PECR: variants seen among roughly 807,000 people sequenced by gnomAD.
PECR encodes the protein peroxisomal trans-2-enoyl-CoA reductase, also known as 2,4-dienoyl-CoA reductase-related protein.
Under a neutral mutation model 35.3 loss-of-function variants are expected in PECR, and 30 were observed. That is an observed-to-expected ratio of 0.85 (90% CI 0.64 to 1.15). PECR has a LOEUF of 1.15. Ranked by LOEUF, PECR falls within the 50% of genes most tolerant of loss-of-function variation. The pLI, the probability that PECR is intolerant of heterozygous loss-of-function variation, is 0.00. For synonymous variants in PECR, 148 were observed against 138.9 expected (o/e 1.07, Z -0.46); for missense variants, 392 against 370.8 (o/e 1.06, Z -0.47).
downstream of PECR, among the ~76,000 whole-genome samples, chr2:216,037,734 G>C (rs1023483758): frequency 6.6e-6 from 1 of 152,080 alleles, no homozygotes; most frequent in Non-Finnish European, 1.5e-5. Flanking sequence ...GCATGAGAAA[G>C]CTGCAGATTC....
chr2:216,066,720 C>G (rs367672005), intron 1 of PECR, among the ~76,000 whole-genome samples: 1 of 152,122 alleles, frequency 6.6e-6, no homozygotes, highest in South Asian at 2.1e-4. Context: ...AGGTCTCACC[C>G]TGTTGCTCAG....
At chr2:216,042,374 A>C (rs12478065) in intron 7 of PECR, among the ~76,000 whole-genome samples, 1,877 of 152,320 alleles carry the variant, frequency 0.012, 32 homozygotes, top group African/African-American at 0.043. Flanking sequence ...ATTAACGCAA[A>C]AAAGGCCTTA....
Position 216,081,676 on chromosome 2 carries a change from G to T in PECR, c.66C>A (p.Ile22=). 1.2e-6 allele frequency: 2 copies of T among 1,613,678 alleles called. No homozygotes were observed. The highest frequency in any genetic ancestry group is 2.2e-5 in the East Asian group (1 of 44,880). ...APGLLQGQVA[I]VTGGATGIGK... ...CGATGCCCGTGGCCCCGCCGGTGAC[G>T]ATGGCCACTTGGCCCTGCAGCAAAC... is the stretch of plus-strand genomic sequence containing the variant. Residue 22 remains isoleucine (I), a synonymous_variant, in exon 1 of 8, where the codon ATC becomes ATA. Coordinates refer to ENST00000265322, the MANE Select transcript of PECR (RefSeq NM_018441.6).
At chr2:216,066,190 GC>G (rs1695462273) in intron 2 of PECR, among the ~76,000 whole-genome samples, 194 bp downstream of exon 2, 1 of 152,256 alleles carries the variant, frequency 6.6e-6, no homozygotes, top group East Asian at 1.9e-4. Context: ...CCACATTCTT[GC>G]CTCCCTTCCT....
rs764837050 is a variant in PECR at position 216,053,479 on chromosome 2, C to A, written c.507-1934G>T. Among the ~76,000 whole-genome samples, 3 of 151,418 alleles carry A rather than the reference C, an allele frequency of 2.0e-5. No individual in the cohort carries two copies. The East Asian group carries it at 5.9e-4, about 30-fold the overall frequency. On this transcript the variant is annotated intron_variant, in intron 4 of 7. Transcript: ENST00000265322. ...CAGGATGGTCTCGATCTCCTGACCTCGTGATCTGCCTGCCTCGGCCTCCCA... is the reference window on the plus strand; with the variant it reads ...CAGGATGGTCTCGATCTCCTGACCTAGTGATCTGCCTGCCTCGGCCTCCCA...
intron 3 of PECR, among the ~76,000 whole-genome samples, chr2:216,064,858 G>A (rs992456658): frequency 6.6e-6 from 1 of 152,190 alleles, no homozygotes; most frequent in Non-Finnish European, 1.5e-5. Context: ...CAGGAGTTCA[G>A]TACTAACCAC....
chr2:216,033,567 C>T (rs567620973), downstream of PECR: 1 of 152,400 alleles, frequency 6.6e-6, no homozygotes, highest in South Asian at 2.1e-4. Context: ...TCAGTAACCT[C>T]AGCAAAGGGT....
chr2:216,041,444 C>A lies in PECR; in HGVS notation c.827-2084G>T, dbSNP rs926067734. Among the ~76,000 whole-genome samples, 7 of 152,110 alleles carry A rather than the reference C, an allele frequency of 4.6e-5. No homozygotes were observed. The South Asian group carries it at 1.5e-3, about 32-fold the overall frequency. On this transcript the variant is annotated intron_variant, in intron 7 of 7. Transcript: ENST00000265322. ...AACTACAGTATCCTATGGACATCAC[C>A]ACATTGATGTTATTAGTAATGAAAT...
At chr2:216,051,572 C>T in intron 4 of PECR, 27 bp from the exon 5 acceptor site, 1 of 1,308,710 alleles carries the variant, frequency 7.6e-7, no homozygotes. Flanking sequence ...ATAAACATGA[C>T]AATCAGCTTC....
chr2:216,063,888 C>CT (rs1553562306), intron 3 of PECR: 11 of 150,386 alleles, frequency 7.3e-5, no homozygotes, highest in East Asian at 3.9e-4. Flanking sequence ...AATTTTTTTT[C>CT]TTTTTTTTTG....
chr2:216,039,547 G>T (rs1694852848), intron 7 of PECR, among the ~76,000 whole-genome samples, 187 bp from the exon 8 acceptor site: 1 of 152,188 alleles, frequency 6.6e-6, no homozygotes, highest in African/African-American at 2.4e-5. Flanking sequence ...TAGCTTTCCT[G>T]AATTTGGGCA....
chr2:216,048,476 G>A (rs1249669811), intron 6 of PECR, among the ~76,000 whole-genome samples: 1 of 151,734 alleles, frequency 6.6e-6, no homozygotes, highest in African/African-American at 2.4e-5. Context: ...TTAGGAGGCT[G>A]AGGTGGGCGT....
At chr2:216,034,110 G>T (rs1344007718), downstream of PECR, 1 of 152,182 alleles carries the variant, frequency 6.6e-6, no homozygotes, top group Non-Finnish European at 1.5e-5. Flanking sequence ...TTGCAAGCAG[G>T]TCTTGCATCC....
chr2:216,080,454 G>A (rs1326968563), intron 1 of PECR, among the ~76,000 whole-genome samples: 1 of 152,154 alleles, frequency 6.6e-6, no homozygotes, highest in Non-Finnish European at 1.5e-5. Context: ...GGATTTTTAG[G>A]TAATTTCCAT....
At chr2:216,043,506 GCACCC>G (rs1694935578) in intron 7 of PECR, among the ~76,000 whole-genome samples, 3 of 152,036 alleles carry the variant, frequency 2.0e-5, no homozygotes, top group African/African-American at 7.2e-5. Context: ...TAGCACCATA[GCACCC>G]CACCCCACCT....
At chr2:216,057,926 G>C (rs1459899716) in intron 4 of PECR, 1 of 152,116 alleles carries the variant, frequency 6.6e-6, no homozygotes, top group Non-Finnish European at 1.5e-5. Context: ...TCTCTCACTG[G>C]AGAGTTAAGA....
intron 7 of PECR, among the ~76,000 whole-genome samples, chr2:216,030,079 C>T (rs1450553858): frequency 6.6e-6 from 1 of 152,000 alleles, no homozygotes; most frequent in Non-Finnish European, 1.5e-5. Flanking sequence ...TCTGAAATGA[C>T]AGGTTAAAAG....
At chr2:216,044,483 C>T (rs753435537) in intron 6 of PECR, among the ~76,000 whole-genome samples, 13 of 152,178 alleles carry the variant, frequency 8.5e-5, no homozygotes, top group Non-Finnish European at 1.3e-4. Context: ...GTTCAGTCTG[C>T]GGTCCTGTCA....
At chr2:216,077,585 A>G (rs1695737168) in intron 1 of PECR, among the ~76,000 whole-genome samples, 1 of 152,150 alleles carries the variant, frequency 6.6e-6, no homozygotes, top group South Asian at 2.1e-4. Context: ...AGGCGGGCAG[A>G]GCACAAGGTC....
Sources: gnomAD v4.1 joint callset for allele counts (sites outside exome capture counted in the v4.1 genomes callset) on GRCh38, gnomAD v4.1.1 for gene constraint, MANE v1.5 for transcripts, NCBI Gene and HGNC (gene_info 2026-07-23, HGNC 2026-07-21) for gene names.